The following CA10 variants were observed in gnomAD, a reference collection of about 807,000 sequenced individuals.
CA10 encodes the protein carbonic anhydrase 10 (inactive), also known as carbonic anhydrase-related protein 10.
CA10 carries 14 observed loss-of-function variants against 44.2 expected under a neutral mutation model. That is an observed-to-expected ratio of 0.32 (90% CI 0.21 to 0.50). CA10 has a LOEUF of 0.50. CA10 is among the 20% of genes least tolerant of loss of function. The pLI, the probability that CA10 is intolerant of heterozygous loss-of-function variation, is 0.99. For missense variants in CA10, 350 were observed against 409.7 expected (o/e 0.85, Z 1.26); for synonymous variants, 159 against 141.6 (o/e 1.12, Z -0.87).
chr17:51,833,123 T>C (rs961343904), intron 3 of CA10, among the ~76,000 whole-genome samples: 1 of 151,572 alleles, frequency 6.6e-6, no homozygotes, highest in Non-Finnish European at 1.5e-5. Flanking sequence ...TGTAGATTCC[T>C]CTGCTCTTCC....
intron 4 of CA10, among the ~76,000 whole-genome samples, chr17:51,660,692 C>G (rs1913971766): frequency 6.6e-6 from 1 of 152,218 alleles, no homozygotes; most frequent in South Asian, 2.1e-4. Context: ...AGCCTTGGAA[C>G]AGAAGACCAC....
At chr17:52,092,584 G>A (rs1850455209) in intron 1 of CA10, among the ~76,000 whole-genome samples, 1 of 152,140 alleles carries the variant, frequency 6.6e-6, no homozygotes, top group Non-Finnish European at 1.5e-5. Context: ...GGCCTAAGAT[G>A]CAAACTGACC....
intron 1 of CA10, among the ~76,000 whole-genome samples, chr17:52,078,558 A>G (rs919359776): frequency 6.6e-6 from 1 of 152,180 alleles, no homozygotes; most frequent in African/African-American, 2.4e-5. Flanking sequence ...CAGAAATTGC[A>G]TTTCTCCACT....
chr17:51,888,044 C>CA (rs1342687467), intron 3 of CA10, among the ~76,000 whole-genome samples: 1 of 149,816 alleles, frequency 6.7e-6, no homozygotes, highest in East Asian at 1.9e-4. Flanking sequence ...AAAACAAAAA[C>CA]AAAACAAAAC....
intron 2 of CA10, among the ~76,000 whole-genome samples, chr17:51,941,184 T>C (rs1983063919): frequency 6.6e-6 from 1 of 152,134 alleles, no homozygotes; most frequent in Admixed American, 6.6e-5. Flanking sequence ...ACTCTTATTC[T>C]GCTCTCATTC....
intron 6 of CA10, 149 bp from the exon 7 acceptor site, chr17:51,636,158 A>G: frequency 2.3e-6 from 1 of 444,190 alleles, no homozygotes; most frequent in Non-Finnish European, 3.8e-6. Flanking sequence ...GAATTCCAGA[A>G]GACTCTATCT....
intron 3 of CA10, among the ~76,000 whole-genome samples, chr17:51,836,378 AG>A (rs1223197059): frequency 6.6e-6 from 1 of 152,354 alleles, no homozygotes; most frequent in Admixed American, 6.5e-5. Context: ...TCTATGTAAA[AG>A]CACTTTGAGA....
At chr17:51,728,640 G>A (rs969634784) in intron 4 of CA10, among the ~76,000 whole-genome samples, 1 of 152,168 alleles carries the variant, frequency 6.6e-6, no homozygotes, top group Admixed American at 6.5e-5. Context: ...CGCATCAGAG[G>A]TACCCAATAT....
intron 3 of CA10, among the ~76,000 whole-genome samples, chr17:51,811,006 G>A (rs2143738702): frequency 6.6e-6 from 1 of 152,242 alleles, no homozygotes; most frequent in South Asian, 2.1e-4. Context: ...GACCAGCCTG[G>A]CCAACATGGC....
chr17:52,121,775 A>G (rs998169879), intron 1 of CA10, among the ~76,000 whole-genome samples: 2 of 152,076 alleles, frequency 1.3e-5, no homozygotes, highest in African/African-American at 4.8e-5. Context: ...CACAGTGAAA[A>G]TTGTGTTACA....
intron 4 of CA10, among the ~76,000 whole-genome samples, chr17:51,664,573 A>G (rs74357630): frequency 7.0e-6 from 1 of 142,220 alleles, no homozygotes; most frequent in African/African-American, 2.6e-5. Context: ...AAAAAAAAAA[A>G]TAGAATCTAA....
At chr17:51,857,262 T>G in intron 3 of CA10, among the ~76,000 whole-genome samples, 1 of 152,180 alleles carries the variant, frequency 6.6e-6, no homozygotes, top group East Asian at 1.9e-4. Context: ...TTATCCCGTT[T>G]TACAGATGAG....
At chr17:52,016,866 C>T (rs1050916262) in intron 2 of CA10, among the ~76,000 whole-genome samples, 2 of 152,076 alleles carry the variant, frequency 1.3e-5, no homozygotes, top group Non-Finnish European at 2.9e-5. Flanking sequence ...TGAGCCGATA[C>T]TGTGCCACTG....
At chr17:51,997,155 C>T (rs1263773619) in intron 2 of CA10, among the ~76,000 whole-genome samples, 4 of 151,964 alleles carry the variant, frequency 2.6e-5, no homozygotes, top group Admixed American at 1.3e-4. Context: ...CAGATTGATC[C>T]CCGCTATCAT....
intron 1 of CA10, among the ~76,000 whole-genome samples, chr17:52,147,184 C>G (rs962636299): frequency 1.3e-5 from 2 of 152,046 alleles, no homozygotes; most frequent in African/African-American, 4.8e-5. Context: ...AAAATTTGGT[C>G]TATGGGGAAT....
intron 1 of CA10, among the ~76,000 whole-genome samples, chr17:52,139,812 G>GTTAGAGA (rs1169463621): frequency 6.6e-6 from 1 of 152,110 alleles, no homozygotes. Flanking sequence ...CCCTCATAGG[G>GTTAGAGA]TTAGAGATAA....
intron 3 of CA10, among the ~76,000 whole-genome samples, chr17:51,785,744 C>T (rs1024240648): frequency 6.6e-6 from 1 of 152,130 alleles, no homozygotes; most frequent in African/African-American, 2.4e-5. Context: ...ATTGTGATTC[C>T]TCCAGTTTTC....
At chr17:51,801,938 T>C (rs1456188956) in intron 3 of CA10, among the ~76,000 whole-genome samples, 2 of 152,208 alleles carry the variant, frequency 1.3e-5, no homozygotes, top group Admixed American at 6.5e-5. Flanking sequence ...CAATTACTGA[T>C]AGACCCCAAC....
At chr17:52,009,138 A>T (rs1416211813) in intron 2 of CA10, among the ~76,000 whole-genome samples, 1 of 151,866 alleles carries the variant, frequency 6.6e-6, no homozygotes, top group Admixed American at 6.6e-5. Flanking sequence ...GCCTCCCTCT[A>T]TTGTAAAGCT....
Sources: allele counts gnomAD v4.1 joint callset (sites outside exome capture counted in the v4.1 genomes callset), GRCh38; gene constraint gnomAD v4.1.1; transcripts MANE v1.5; gene names NCBI Gene and HGNC (gene_info 2026-07-23, HGNC 2026-07-21).